Variants in ARIH1 observed in about 807,000 individuals in gnomAD.
ARIH1 encodes E3 ubiquitin-protein ligase ARIH1.
In ARIH1, 8 loss-of-function variants were observed where a neutral mutation model predicts 85.0. The observed-to-expected ratio is 0.09, with a 90% CI of 0.06 to 0.17. The LOEUF is 0.17. Among genes scored for constraint, ARIH1 ranks in the 10% least tolerant of loss-of-function variants. The pLI is 1.00. For missense variants in ARIH1, 311 were observed against 718.1 expected (o/e 0.43, Z 6.48); for synonymous variants, 238 against 253.6 (o/e 0.94, Z 0.59).
At chr15:72,559,563 A>G (rs1211134610) in intron 5 of ARIH1, among the ~76,000 whole-genome samples, 2 of 152,160 alleles carry the variant, frequency 1.3e-5, no homozygotes, top group Admixed American at 1.3e-4. Flanking sequence ...GAGCAACCGC[A>G]CATGGCCAGC....
intron 11 of ARIH1, 80 bp from the exon 12 acceptor site, chr15:72,580,651 A>T (rs757208192): frequency 7.4e-7 from 1 of 1,343,548 alleles, no homozygotes; most frequent in East Asian, 2.4e-5. Flanking sequence ...AGACTTCATT[A>T]TGGTTTTAAT....
intron 1 of ARIH1, among the ~76,000 whole-genome samples, chr15:72,489,863 C>T (rs939039340): frequency 1.1e-4 from 17 of 152,046 alleles, no homozygotes; most frequent in African/African-American, 3.1e-4. Context: ...CTGTGGGTTA[C>T]GGAAAGCTTT....
chr15:72,515,850 C>T (rs1567344179), intron 1 of ARIH1, among the ~76,000 whole-genome samples: 1 of 152,160 alleles, frequency 6.6e-6, no homozygotes, highest in Non-Finnish European at 1.5e-5. Context: ...ATCTACTTTT[C>T]TGTCTCTTAA....
intron 7 of ARIH1, 25 bp downstream of exon 7, chr15:72,563,525 A>G: frequency 6.4e-7 from 1 of 1,561,918 alleles, no homozygotes; most frequent in Non-Finnish European, 8.8e-7. Flanking sequence ...TCCTAAATTG[A>G]AATAGTGCAC....
rs2063784607 is a variant in ARIH1 at position 72,474,458 on chromosome 15, C to T, written c.-182C>T. The T allele has an allele frequency of 2.5e-6, 2 of 788,054 alleles. No individual in the cohort carries two copies. The highest frequency in any genetic ancestry group is 1.8e-5 in the African/African-American group (1 of 54,064). 48.8% of individuals were successfully genotyped at this position (788,054 alleles called of 1,614,324 possible). ...GCTCCCTCCCTCCCTCCTCCGCGCCCTCCCCGCCGCCACCAGCCGTCAAAC... is the reference window on the plus strand; with the variant it reads ...GCTCCCTCCCTCCCTCCTCCGCGCCTTCCCCGCCGCCACCAGCCGTCAAAC... On this transcript the variant is annotated 5_prime_UTR_variant, in exon 1 of 14. Coordinates refer to ENST00000379887, the MANE Select transcript of ARIH1 (RefSeq NM_005744.5).
intron 1 of ARIH1, among the ~76,000 whole-genome samples, chr15:72,489,247 C>CAAAAAAAA (rs3028452): frequency 1.2e-5 from 1 of 84,100 alleles, no homozygotes; most frequent in African/African-American, 5.0e-5. Flanking sequence ...GACCATGTCT[C>CAAAAAAAA]AAAAAAAAAA....
intron 11 of ARIH1, among the ~76,000 whole-genome samples, chr15:72,577,016 CTT>C (rs1041394281): frequency 1.3e-5 from 2 of 149,422 alleles, no homozygotes; most frequent in Non-Finnish European, 3.0e-5. Flanking sequence ...GGAGTTTGCT[CTT>C]GTTACTCAGG....
rs1306506182 is a variant in ARIH1, at chr15:72,591,545, G to A, written c.*8253G>A. On this transcript the variant is annotated 3_prime_UTR_variant, in exon 14 of 14. Coordinates refer to ENST00000379887, the MANE Select transcript of ARIH1 (RefSeq NM_005744.5). Reference sequence around the variant, plus strand: ...CAGGATTTTGTCCTAAGTTTTCTTAGGGATCCTATCCAAAAACACCATTAC... The same window carrying A: ...CAGGATTTTGTCCTAAGTTTTCTTAAGGATCCTATCCAAAAACACCATTAC... 1 of 152,130 alleles carries A rather than the reference G, an allele frequency of 6.6e-6. No individual in the cohort carries two copies. Among genetic ancestry groups the A allele is most frequent in the Non-Finnish European group, 1.5e-5 (1 of 68,026 alleles). 9.4% of individuals were successfully genotyped at this position (152,130 alleles called of 1,614,324 possible).
At chr15:72,540,039 T>C (rs2064099684) in intron 2 of ARIH1, among the ~76,000 whole-genome samples, 1 of 151,912 alleles carries the variant, frequency 6.6e-6, no homozygotes, top group Non-Finnish European at 1.5e-5. Flanking sequence ...GCGGGCAGAT[T>C]ACAAGGTCAG....
intron 1 of ARIH1, among the ~76,000 whole-genome samples, chr15:72,484,367 C>G (rs939529878): frequency 1.3e-5 from 2 of 151,952 alleles, no homozygotes; most frequent in Non-Finnish European, 1.5e-5. Flanking sequence ...CACCCATCAT[C>G]TGAGCAATAT....
At chr15:72,498,087 A>G (rs2063887014) in intron 1 of ARIH1, among the ~76,000 whole-genome samples, 1 of 152,198 alleles carries the variant, frequency 6.6e-6, no homozygotes, top group Non-Finnish European at 1.5e-5. Flanking sequence ...CAAAGGTATT[A>G]GGTATTTAAT....
At chr15:72,577,038 C>T (rs2064274692) in intron 11 of ARIH1, among the ~76,000 whole-genome samples, 1 of 151,452 alleles carries the variant, frequency 6.6e-6, no homozygotes, top group Non-Finnish European at 1.5e-5. Flanking sequence ...GCTGGAGTGC[C>T]AGTGGCAGGT....
chr15:72,558,609 A>G (rs1333034490), intron 5 of ARIH1, among the ~76,000 whole-genome samples: 2 of 152,162 alleles, frequency 1.3e-5, no homozygotes, highest in Non-Finnish European at 2.9e-5. Context: ...GCCAATAACT[A>G]TTTTCAATTT....
intron 11 of ARIH1, among the ~76,000 whole-genome samples, chr15:72,574,031 T>C (rs1281202580): frequency 6.6e-6 from 1 of 152,208 alleles, no homozygotes; most frequent in Admixed American, 6.5e-5. Flanking sequence ...TATGTTCTTA[T>C]CACCTTTTTT....
chr15:72,565,902 ATTAC>A (rs1479829008), intron 7 of ARIH1, among the ~76,000 whole-genome samples: 2 of 152,106 alleles, frequency 1.3e-5, no homozygotes, highest in East Asian at 1.9e-4. Flanking sequence ...CCATTCGTAA[ATTAC>A]TTAATTAGCT....
At chr15:72,567,642 C>A (rs953860349) in intron 9 of ARIH1, among the ~76,000 whole-genome samples, 10 of 152,176 alleles carry the variant, frequency 6.6e-5, no homozygotes, top group African/African-American at 2.4e-4. Context: ...TAACCCCAGA[C>A]AAATGTCTTA....
chr15:72,493,654 T>C (rs2063868236), intron 1 of ARIH1, among the ~76,000 whole-genome samples: 1 of 152,220 alleles, frequency 6.6e-6, no homozygotes, highest in Non-Finnish European at 1.5e-5. Flanking sequence ...TAGAATGTTT[T>C]CTACTACCTT....
chr15:72,479,247 C>T, intron 1 of ARIH1, among the ~76,000 whole-genome samples: 1 of 152,092 alleles, frequency 6.6e-6, no homozygotes, highest in Non-Finnish European at 1.5e-5. Flanking sequence ...TGAAAAACTT[C>T]TGGTCTCAAG....
intron 11 of ARIH1, among the ~76,000 whole-genome samples, chr15:72,573,757 A>G (rs776641922): frequency 2.6e-5 from 4 of 151,982 alleles, no homozygotes; most frequent in Admixed American, 6.6e-5. Flanking sequence ...CTCTTGCACA[A>G]TTCTACAGCC....
Sources: gnomAD v4.1 joint callset for allele counts (sites outside exome capture counted in the v4.1 genomes callset) on GRCh38, gnomAD v4.1.1 for gene constraint, MANE v1.5 for transcripts, NCBI Gene and HGNC (gene_info 2026-07-23, HGNC 2026-07-21) for gene names.